The following PTPRD variants were observed in gnomAD, a reference collection of about 807,000 sequenced individuals.
PTPRD encodes receptor-type tyrosine-protein phosphatase delta.
A neutral mutation model predicts 214.5 loss-of-function variants in PTPRD; 34 were observed. The ratio of observed to expected loss-of-function variants is 0.16; its 90% CI spans 0.12 to 0.21. PTPRD has a LOEUF of 0.21. Ranked by LOEUF, PTPRD falls within the 10% of genes least tolerant of loss-of-function variation. The pLI is 1.00. For synonymous variants in PTPRD, 1,128 were observed against 845.7 expected (o/e 1.33, Z -5.79); for missense variants, 2,545 against 2,398.7 (o/e 1.06, Z -1.27).
intron 3 of PTPRD, among the ~76,000 whole-genome samples, chr9:10,134,332 C>T (rs1249779684): frequency 1.3e-5 from 2 of 152,122 alleles, no homozygotes; most frequent in Non-Finnish European, 2.9e-5. Context: ...GGGTGTGGCA[C>T]CAGTGATTTG....
intron 2 of PTPRD, among the ~76,000 whole-genome samples, chr9:10,363,764 T>G (rs181617579): frequency 6.6e-6 from 1 of 151,956 alleles, no homozygotes; most frequent in African/African-American, 2.4e-5. Context: ...TGACCCCTTA[T>G]GGGTTTTTTT....
intron 10 of PTPRD, among the ~76,000 whole-genome samples, chr9:9,131,932 G>A (rs1391226230): frequency 6.6e-6 from 1 of 152,018 alleles, no homozygotes; most frequent in Non-Finnish European, 1.5e-5. Context: ...AAAGACAGAT[G>A]TACTATTTCT....
At chr9:9,630,747 T>G (rs1008335198) in intron 7 of PTPRD, among the ~76,000 whole-genome samples, 5 of 152,162 alleles carry the variant, frequency 3.3e-5, no homozygotes, top group African/African-American at 7.2e-5. Flanking sequence ...TATTCACATA[T>G]TAAATTTTAT....
chr9:8,819,686 G>T (rs543870458), intron 11 of PTPRD, among the ~76,000 whole-genome samples: 1 of 152,174 alleles, frequency 6.6e-6, no homozygotes, highest in East Asian at 1.9e-4. Context: ...TGTGAAACTT[G>T]GGGCAATTAT....
chr9:8,419,234 T>TAAAAAAAAA (rs367987989), intron 35 of PTPRD, among the ~76,000 whole-genome samples: 1 of 99,618 alleles, frequency 1.0e-5, no homozygotes, highest in African/African-American at 3.6e-5. Flanking sequence ...TCCAAAAAAT[T>TAAAAAAAAA]AAAAAAAAAA....
rs963116678 is a variant in PTPRD at position 10,506,461 on chromosome 9, T to A, written c.-600+105937A>T. On this transcript the variant is annotated intron_variant, in intron 2 of 45. Coordinates refer to ENST00000381196, the MANE Select transcript of PTPRD (RefSeq NM_002839.4). The stretch of plus-strand genomic sequence containing the variant: ...CGACTAATTTATGTACATTTTAAAA[T>A]AACTAAAATAGTATAATTGGATTGT... Among the ~76,000 whole-genome samples the A allele has an allele frequency of 4.6e-5, 7 of 152,228 alleles. No individual in the cohort carries two copies. The East Asian group carries it at 1.4e-3, about 29-fold the overall frequency.
chr9:10,226,897 C>T (rs2099590686), intron 3 of PTPRD, among the ~76,000 whole-genome samples: 1 of 151,884 alleles, frequency 6.6e-6, no homozygotes, highest in Non-Finnish European at 1.5e-5. Flanking sequence ...TAATATACTC[C>T]TTATTTTTCA....
At chr9:10,333,525 T>A (rs2096790062) in intron 3 of PTPRD, among the ~76,000 whole-genome samples, 3 of 151,754 alleles carry the variant, frequency 2.0e-5, no homozygotes. Context: ...CCTGAAGAAG[T>A]GGAATCTGCT....
At chr9:9,907,214 G>T (rs942838987) in intron 5 of PTPRD, among the ~76,000 whole-genome samples, 2 of 151,832 alleles carry the variant, frequency 1.3e-5, no homozygotes, top group African/African-American at 4.8e-5. Context: ...ATGTGCAATT[G>T]TCATATACAT....
chr9:9,261,822 A>G (rs1185971316), intron 9 of PTPRD, among the ~76,000 whole-genome samples: 1 of 151,824 alleles, frequency 6.6e-6, no homozygotes, highest in African/African-American at 2.4e-5. Flanking sequence ...AAATTTCATT[A>G]TCTCTGCAAG....
At chr9:9,000,996 T>A (rs1196379210) in intron 11 of PTPRD, among the ~76,000 whole-genome samples, 2 of 151,898 alleles carry the variant, frequency 1.3e-5, no homozygotes, top group Admixed American at 1.3e-4. Flanking sequence ...AAATGACCCA[T>A]CCATCGAACA....
At chr9:8,738,003 C>T (rs1225090017) in intron 11 of PTPRD, among the ~76,000 whole-genome samples, 1 of 152,068 alleles carries the variant, frequency 6.6e-6, no homozygotes, top group East Asian at 1.9e-4. Flanking sequence ...GTATATGAAT[C>T]TAAAATACAA....
chr9:9,740,665 C>T (rs1278253152), intron 6 of PTPRD, among the ~76,000 whole-genome samples: 1 of 152,050 alleles, frequency 6.6e-6, no homozygotes, highest in Non-Finnish European at 1.5e-5. Flanking sequence ...CACCTGGCCT[C>T]TAAGACCACT....
At chr9:9,863,995 T>C (rs568365535) in intron 5 of PTPRD, among the ~76,000 whole-genome samples, 1 of 152,136 alleles carries the variant, frequency 6.6e-6, no homozygotes, top group Non-Finnish European at 1.5e-5. Context: ...GATTGTTCCA[T>C]ATGAGGCCTA....
chr9:9,182,073 T>A (rs746299819), intron 10 of PTPRD, among the ~76,000 whole-genome samples: 1 of 152,040 alleles, frequency 6.6e-6, no homozygotes, highest in African/African-American at 2.4e-5. Flanking sequence ...AGAAAGCTTT[T>A]TGGGGAAGGT....
intron 3 of PTPRD, among the ~76,000 whole-genome samples, chr9:10,295,489 C>T (rs1324912586): frequency 1.3e-5 from 2 of 152,056 alleles, no homozygotes; most frequent in African/African-American, 4.8e-5. Context: ...GTCCCAGCTC[C>T]ACCAGTTTGA....
At chr9:8,413,436 C>T (rs2093677100) in intron 35 of PTPRD, among the ~76,000 whole-genome samples, 1 of 152,124 alleles carries the variant, frequency 6.6e-6, no homozygotes, top group African/African-American at 2.4e-5. Flanking sequence ...TTCTCCCAGT[C>T]TTTGTCGGAA....
At chr9:8,877,436 T>A (rs1321998687) in intron 11 of PTPRD, among the ~76,000 whole-genome samples, 2 of 152,194 alleles carry the variant, frequency 1.3e-5, no homozygotes, top group African/African-American at 4.8e-5. Context: ...AGGGGACTTT[T>A]ATAGTGACAG....
intron 4 of PTPRD, among the ~76,000 whole-genome samples, chr9:9,958,966 T>C (rs890413523): frequency 6.6e-6 from 1 of 152,120 alleles, no homozygotes; most frequent in African/African-American, 2.4e-5. Flanking sequence ...CTACACATAG[T>C]CTTACCATAA....
Sources: gnomAD v4.1 joint callset for allele counts (sites outside exome capture counted in the v4.1 genomes callset) on GRCh38, gnomAD v4.1.1 for gene constraint, MANE v1.5 for transcripts, NCBI Gene and HGNC (gene_info 2026-07-23, HGNC 2026-07-21) for gene names.